Variants in MDM2 observed in about 807,000 individuals in gnomAD.
MDM2 encodes the protein MDM2 proto-oncogene, also known as E3 ubiquitin-protein ligase Mdm2.
A neutral mutation model predicts 64.3 loss-of-function variants in MDM2; 11 were observed. That is an observed-to-expected ratio of 0.17 (90% CI 0.11 to 0.28). MDM2 has a LOEUF of 0.28. MDM2 is among the 10% of genes least tolerant of loss of function. MDM2 has a pLI of 1.00. For synonymous variants in MDM2, 194 were observed against 192.9 expected, an observed-to-expected ratio of 1.01 and a Z score of -0.05; for missense variants, 388 against 577.1, an observed-to-expected ratio of 0.67 and a Z score of 3.36.
At chr12:68,832,667 C>T (rs1177869492) in intron 8 of MDM2, among the ~76,000 whole-genome samples, 1 of 149,908 alleles carries the variant, frequency 6.7e-6, no homozygotes, top group Admixed American at 6.7e-5. Flanking sequence ...TGTGCACCAC[C>T]ACACCTGGCT....
At chr12:68,832,407 T>C (rs1565743181) in intron 8 of MDM2, among the ~76,000 whole-genome samples, 1 of 152,180 alleles carries the variant, frequency 6.6e-6, no homozygotes, top group African/African-American at 2.4e-5. Context: ...TGTTTAAGGT[T>C]CCTACAACTA....
At chr12:68,831,182 G>C (rs1354028260) in intron 8 of MDM2, among the ~76,000 whole-genome samples, 3 of 152,188 alleles carry the variant, frequency 2.0e-5, no homozygotes, top group Non-Finnish European at 4.4e-5. Flanking sequence ...GACACACGTG[G>C]AGTGGTTTTA....
intron 8 of MDM2, among the ~76,000 whole-genome samples, chr12:68,833,280 A>ATTATATATATTT: frequency 1.6e-5 from 1 of 63,196 alleles, no homozygotes; most frequent in East Asian, 3.2e-4. Flanking sequence ...TATTTATATA[A>ATTATATATATTT]ATATAAATAT....
At chr12:68,849,949 CA>C (rs1404660113), downstream of MDM2, 2 of 152,152 alleles carry the variant, frequency 1.3e-5, no homozygotes, top group Non-Finnish European at 2.9e-5. Flanking sequence ...TCCAAGAGAG[CA>C]GAGAAATAAT....
chr12:68,835,588 C>G (rs1002706228), intron 8 of MDM2, among the ~76,000 whole-genome samples: 8 of 152,170 alleles, frequency 5.3e-5, no homozygotes, highest in Admixed American at 5.2e-4. Context: ...AATCTAGTTT[C>G]AGTATGCAGG....
chr12:68,832,552 G>T, intron 8 of MDM2, among the ~76,000 whole-genome samples: 1 of 152,050 alleles, frequency 6.6e-6, no homozygotes, highest in East Asian at 1.9e-4. Context: ...TCACTCCGTT[G>T]CCCAGGCGGG....
intron 4 of MDM2, 78 bp downstream of exon 4, chr12:68,817,023 G>C: frequency 6.6e-7 from 1 of 1,513,384 alleles, no homozygotes; most frequent in Non-Finnish European, 8.9e-7. Context: ...ATTCACTTTT[G>C]TCAGAGAAAA....
chr12:68,841,865 C>T lies in MDM2; in HGVS notation c.*2016C>T, dbSNP rs995743784. The T allele has an allele frequency of 3.2e-4, 70 of 216,090 alleles. No individual in the cohort carries two copies. The highest frequency in any genetic ancestry group is 6.6e-5 in the Non-Finnish European group (7 of 106,324). 13.4% of individuals were successfully genotyped at this position (216,090 alleles called of 1,614,324 possible). A position where few individuals can be genotyped will look rare whatever the true frequency, so the allele number is the denominator to read the frequency against. On this transcript the variant is annotated 3_prime_UTR_variant, in exon 11 of 11. Transcript: ENST00000258149. ...GGTCAGCATGTGGAATTCCAAGATA[C>T]CTCTTGACTTCCTCTCAAGCTCCGT...
downstream of MDM2, chr12:68,850,306 C>CAA (rs1043864680): frequency 2.7e-5 from 4 of 149,428 alleles, no homozygotes; most frequent in African/African-American, 9.8e-5. Context: ...AAAAAAGCTG[C>CAA]AAATTTAAAC....
chr12:68,819,493 C>CT (rs2136126763), intron 4 of MDM2, among the ~76,000 whole-genome samples: 1 of 151,956 alleles, frequency 6.6e-6, no homozygotes, highest in Non-Finnish European at 1.5e-5. Flanking sequence ...TAATAAGTTT[C>CT]TTTTTTTTCT....
chr12:68,847,806 G>A (rs1366581230), downstream of MDM2: 5 of 152,196 alleles, frequency 3.3e-5, no homozygotes, highest in African/African-American at 1.2e-4. Flanking sequence ...AGTAAAGGAT[G>A]TTGATTGGCA....
chr12:68,833,753 T>C (rs1883093556), intron 8 of MDM2, among the ~76,000 whole-genome samples: 2 of 152,192 alleles, frequency 1.3e-5, no homozygotes. Flanking sequence ...TAAAAGTCGA[T>C]GGGTGATGGG....
intron 4 of MDM2, among the ~76,000 whole-genome samples, chr12:68,817,558 T>C (rs899139399): frequency 5.9e-5 from 9 of 151,982 alleles, no homozygotes; most frequent in African/African-American, 2.2e-4. Context: ...GAGACCAGCC[T>C]GACCAACATG....
intron 4 of MDM2, among the ~76,000 whole-genome samples, chr12:68,819,502 C>G (rs1161981010): frequency 6.6e-6 from 1 of 151,738 alleles, no homozygotes; most frequent in Non-Finnish European, 1.5e-5. Context: ...TCTTTTTTTT[C>G]TTCCCTGAGT....
In MDM2 at chr12:68,810,323, A is replaced by G. The variant is rs996472537; in HGVS notation, c.99+1031A>G. ...GAAACTCCGTCTAAAAAAAAAAAAA[A>G]GAAAAGAAAAAGATTTTAGAGAATT... is the stretch of plus-strand genomic sequence containing the variant. On this transcript the variant is annotated intron_variant, in intron 2 of 10. Coordinates refer to ENST00000258149, the MANE Select transcript of MDM2 (RefSeq NM_002392.6). Among the ~76,000 whole-genome samples, 5 of 148,342 alleles carry G rather than the reference A, an allele frequency of 3.4e-5. No individual in the cohort carries two copies. The Admixed American group carries it at 3.4e-4, about 10-fold the overall frequency.
At chr12:68,821,788 G>A (rs538555797) in intron 5 of MDM2, among the ~76,000 whole-genome samples, 1 of 152,242 alleles carries the variant, frequency 6.6e-6, no homozygotes, top group Middle Eastern at 3.4e-3. Flanking sequence ...AGAATGAATT[G>A]ACCACTCCCT....
At chr12:68,814,530 G>C in intron 3 of MDM2, 1 of 329,266 alleles carries the variant, frequency 3.0e-6, no homozygotes, top group Non-Finnish European at 6.0e-6. Context: ...ATTCTAGTTA[G>C]AAGTTTGTGA....
rs976674352 is a variant in MDM2, at chr12:68,808,602, G to GGGGGCTC, written c.14+117_14+123dup. On this transcript the variant is annotated intron_variant, in intron 1 of 10. Transcript: ENST00000258149. ...CGCAGCCTTTGTGCGGTTCGTGGCT[G>GGGGGCTC]GGGGCTCGGGGCGCGGGGCGCGGGG... 10 of 1,493,130 alleles carry GGGGGCTC rather than the reference G, an allele frequency of 6.7e-6. No individual in the cohort carries two copies. In the South Asian group the frequency reaches 7.2e-5, roughly 11 times the overall value. 92.5% of individuals were successfully genotyped at this position (1,493,130 alleles called of 1,614,324 possible).
At chr12:68,826,447 G>A (rs753201230) in intron 7 of MDM2, among the ~76,000 whole-genome samples, 1 of 151,774 alleles carries the variant, frequency 6.6e-6, no homozygotes, top group African/African-American at 2.4e-5. Flanking sequence ...TTAAGAGTTC[G>A]AGACCAACCT....
Sources: allele counts gnomAD v4.1 joint callset (sites outside exome capture counted in the v4.1 genomes callset), GRCh38; gene constraint gnomAD v4.1.1; transcripts MANE v1.5; gene names NCBI Gene and HGNC (gene_info 2026-07-23, HGNC 2026-07-21).